UGT8: variants seen among roughly 807,000 people sequenced by gnomAD.
UGT8 encodes 2-hydroxyacylsphingosine 1-beta-galactosyltransferase.
A neutral mutation model predicts 40.5 loss-of-function variants in UGT8; 12 were observed. The observed-to-expected ratio is 0.30, with a 90% confidence interval of 0.19 to 0.48. UGT8 has a LOEUF of 0.48. Among genes scored for constraint, UGT8 ranks in the 20% least tolerant of loss-of-function variants. The pLI, the probability that UGT8 is intolerant of heterozygous loss-of-function variation, is 0.99. For synonymous variants in UGT8, 224 were observed against 240.4 expected (o/e 0.93, Z 0.63); for missense variants, 513 against 648.7 (o/e 0.79, Z 2.27).
chr4:114,642,519 A>C (rs1733290219), intron 2 of UGT8, among the ~76,000 whole-genome samples: 2 of 152,104 alleles, frequency 1.3e-5, no homozygotes, highest in African/African-American at 4.8e-5. Context: ...CTAACTTCTC[A>C]GGCTGTGACT....
chr4:114,615,989 G>A (rs545637743), intron 1 of UGT8, among the ~76,000 whole-genome samples: 2 of 152,050 alleles, frequency 1.3e-5, no homozygotes, highest in South Asian at 4.1e-4. Context: ...ACCTGGCCAT[G>A]TGAGGTGTCA....
At chr4:114,643,255 T>C (rs748480574) in intron 2 of UGT8, among the ~76,000 whole-genome samples, 1 of 152,190 alleles carries the variant, frequency 6.6e-6, no homozygotes, top group Non-Finnish European at 1.5e-5. Flanking sequence ...AAAGAAATAC[T>C]ATAAACAGAA....
At chr4:114,644,223 C>CT (rs1463602741) in intron 2 of UGT8, among the ~76,000 whole-genome samples, 1 of 152,124 alleles carries the variant, frequency 6.6e-6, no homozygotes, top group Non-Finnish European at 1.5e-5. Flanking sequence ...GTTAGGAAGT[C>CT]TGTCTGTGAA....
At chr4:114,627,505 G>A (rs1732308191) in intron 2 of UGT8, among the ~76,000 whole-genome samples, 1 of 152,008 alleles carries the variant, frequency 6.6e-6, no homozygotes, top group South Asian at 2.1e-4. Context: ...TGATCTGCCC[G>A]TCTCGGCCTC....
At chr4:114,616,327 C>A (rs1215680244) in intron 1 of UGT8, among the ~76,000 whole-genome samples, 1 of 152,144 alleles carries the variant, frequency 6.6e-6, no homozygotes, top group African/African-American at 2.4e-5. Flanking sequence ...GCCTCATGGC[C>A]GCCTTGCAGT....
In UGT8 at chr4:114,667,827, C is replaced by T. The variant is rs1027880746; in HGVS notation, c.1043-258C>T. On this transcript the variant is annotated intron_variant, in intron 4 of 5. Transcript: ENST00000310836. ...ATTTAAATATGTGTTGTTAGTCATGCAATATTTGTGTTAAAAATAGTAATA... is the reference window on the plus strand; with the variant it reads ...ATTTAAATATGTGTTGTTAGTCATGTAATATTTGTGTTAAAAATAGTAATA... The T allele has an allele frequency of 5.1e-6, 4 of 777,916 alleles. No individual in the cohort carries two copies. The African/African-American group carries it at 7.4e-5, about 14-fold the overall frequency. 48.2% of individuals were successfully genotyped at this position (777,916 alleles called of 1,614,324 possible).
intron 2 of UGT8, among the ~76,000 whole-genome samples, chr4:114,629,862 C>T (rs1027737428): frequency 1.3e-5 from 2 of 152,162 alleles, no homozygotes; most frequent in Admixed American, 6.5e-5. Context: ...CTCCAGCACA[C>T]ATTGTTAAGT....
At chr4:114,604,445 G>A (rs1730614456) in intron 1 of UGT8, among the ~76,000 whole-genome samples, 1 of 145,388 alleles carries the variant, frequency 6.9e-6, no homozygotes, top group Admixed American at 6.8e-5. Flanking sequence ...CTGATTTGTA[G>A]AGGTTTGTTT....
At chr4:114,675,271 T>C (rs568933969) in intron 5 of UGT8, among the ~76,000 whole-genome samples, 17 of 152,276 alleles carry the variant, frequency 1.1e-4, no homozygotes, top group African/African-American at 4.1e-4. Context: ...TGAAACTTGT[T>C]GATTTATACT....
intron 1 of UGT8, among the ~76,000 whole-genome samples, chr4:114,620,943 A>G (rs189214033): frequency 5.3e-5 from 8 of 152,322 alleles, no homozygotes; most frequent in Admixed American, 3.3e-4. Flanking sequence ...TGATGTGTGT[A>G]TAAATCTATT....
intron 2 of UGT8, among the ~76,000 whole-genome samples, chr4:114,661,599 A>G (rs1201095702): frequency 6.6e-6 from 1 of 152,156 alleles, no homozygotes; most frequent in Non-Finnish European, 1.5e-5. Flanking sequence ...ATGTTCTCAT[A>G]AAGCATCCAT....
chr4:114,650,906 T>A (rs1030302307), intron 2 of UGT8, among the ~76,000 whole-genome samples: 2 of 152,148 alleles, frequency 1.3e-5, no homozygotes, highest in Non-Finnish European at 2.9e-5. Context: ...ACCTTTTTTT[T>A]TTCATAGAAC....
chr4:114,663,582 A>C (rs1215253478), intron 2 of UGT8: 1 of 473,572 alleles, frequency 2.1e-6, no homozygotes. Flanking sequence ...ATACTGGCAA[A>C]AATTTGTAAA....
At chr4:114,642,880 A>G (rs1733315305) in intron 2 of UGT8, among the ~76,000 whole-genome samples, 1 of 152,142 alleles carries the variant, frequency 6.6e-6, no homozygotes. Flanking sequence ...GTGAATTATT[A>G]TCTGTGGGTC....
chr4:114,647,347 T>C (rs1479958601), intron 2 of UGT8, among the ~76,000 whole-genome samples: 1 of 139,212 alleles, frequency 7.2e-6, no homozygotes, highest in Non-Finnish European at 1.6e-5. Flanking sequence ...TTTACATGAA[T>C]TAGCTCTTTT....
intron 2 of UGT8, among the ~76,000 whole-genome samples, chr4:114,630,153 A>G (rs76500849): frequency 6.5e-4 from 99 of 152,314 alleles, no homozygotes; most frequent in African/African-American, 2.3e-3. Context: ...GCTTGTGACA[A>G]ATCAGTGGCA....
At chr4:114,669,345 A>G (rs1257959024) in intron 5 of UGT8, among the ~76,000 whole-genome samples, 2 of 151,718 alleles carry the variant, frequency 1.3e-5, no homozygotes, top group African/African-American at 4.9e-5. Context: ...TTTTCTTTAA[A>G]GGTGTGCTTT....
At chr4:114,612,300 A>G (rs573972666) in intron 1 of UGT8, among the ~76,000 whole-genome samples, 1 of 152,250 alleles carries the variant, frequency 6.6e-6, no homozygotes, top group East Asian at 1.9e-4. Context: ...GATTTTCTTA[A>G]TTTTTAATCA....
Position 114,677,328 on chromosome 4 carries a change from T to C in UGT8, c.*1040T>C, listed in dbSNP as rs1159899105. The stretch of plus-strand genomic sequence containing the variant: ...TTTATTGTCTGGGCCATACAATCTA[T>C]ATTACATAGGTGCCAACATTTAATT... On this transcript the variant is annotated 3_prime_UTR_variant, in exon 6 of 6. Coordinates refer to ENST00000310836, the MANE Select transcript of UGT8 (RefSeq NM_001128174.3). The C allele has an allele frequency of 6.6e-6, 1 of 152,226 alleles. No homozygotes were observed. The highest frequency in any genetic ancestry group is 1.5e-5 in the Non-Finnish European group (1 of 68,042). 9.4% of individuals were successfully genotyped at this position (152,226 alleles called of 1,614,324 possible). A position where few individuals can be genotyped will look rare whatever the true frequency, so the allele number is the denominator to read the frequency against.
Sources: gnomAD v4.1 joint callset for allele counts (sites outside exome capture counted in the v4.1 genomes callset) on GRCh38, gnomAD v4.1.1 for gene constraint, MANE v1.5 for transcripts, NCBI Gene and HGNC (gene_info 2026-07-23, HGNC 2026-07-21) for gene names.